The following ABCC4 variants were observed in gnomAD, a reference collection of about 807,000 sequenced individuals.
ABCC4 encodes ATP-binding cassette sub-family C member 4.
Under a neutral mutation model 168.5 loss-of-function variants are expected in ABCC4, and 102 were observed. That is an observed-to-expected ratio of 0.61 (90% CI 0.52 to 0.71). The LOEUF (loss-of-function observed/expected upper bound fraction) is 0.71. ABCC4 is among the 30% of genes least tolerant of loss of function. The pLI is 0.00. For missense variants in ABCC4, 1,402 were observed against 1,605.8 expected (o/e 0.87, Z 2.17); for synonymous variants, 617 against 590.7 (o/e 1.04, Z -0.65).
chr13:95,126,919 G>T (rs2035802319), intron 19 of ABCC4, among the ~76,000 whole-genome samples: 1 of 134,152 alleles, frequency 7.5e-6, no homozygotes, highest in Non-Finnish European at 1.6e-5. Context: ...AAAAAGCTAG[G>T]GGGGAAATTT....
intron 1 of ABCC4, among the ~76,000 whole-genome samples, chr13:95,248,102 G>A (rs1015516844): frequency 1.3e-5 from 2 of 152,110 alleles, no homozygotes; most frequent in Non-Finnish European, 2.9e-5. Flanking sequence ...GAAAAAGATG[G>A]CCCATGAGAT....
intron 11 of ABCC4, among the ~76,000 whole-genome samples, chr13:95,180,191 A>G (rs2037843694): frequency 6.6e-6 from 1 of 152,120 alleles, no homozygotes; most frequent in African/African-American, 2.4e-5. Context: ...CATTATGAAA[A>G]TTCATTATTT....
At chr13:95,058,593 G>GAAAAAAA (rs377750538) in intron 26 of ABCC4, among the ~76,000 whole-genome samples, 1 of 80,412 alleles carries the variant, frequency 1.2e-5, no homozygotes, top group Non-Finnish European at 2.3e-5. Flanking sequence ...AAAAAAAAAA[G>GAAAAAAA]AAAAGAAAAA....
At chr13:95,088,407 T>C (rs2034325369) in intron 20 of ABCC4, among the ~76,000 whole-genome samples, 1 of 152,204 alleles carries the variant, frequency 6.6e-6, no homozygotes, top group Non-Finnish European at 1.5e-5. Flanking sequence ...GACTTAATGA[T>C]GACCTAAAGG....
At chr13:95,078,471 C>A (rs2033983913) in intron 21 of ABCC4, among the ~76,000 whole-genome samples, 1 of 152,028 alleles carries the variant, frequency 6.6e-6, no homozygotes, top group Admixed American at 6.6e-5. Context: ...CACAGAGTAA[C>A]CTTTTACTCG....
At chr13:95,300,265 C>A (rs1304069895) in intron 1 of ABCC4, among the ~76,000 whole-genome samples, 1 of 152,178 alleles carries the variant, frequency 6.6e-6, no homozygotes, top group African/African-American at 2.4e-5. Flanking sequence ...GGTAGAACTC[C>A]TGGTAGGAAC....
At chr13:95,181,018 TAG>T (rs1195765463) in intron 11 of ABCC4, among the ~76,000 whole-genome samples, 1 of 152,240 alleles carries the variant, frequency 6.6e-6, no homozygotes, top group Non-Finnish European at 1.5e-5. Flanking sequence ...CATGATTTTC[TAG>T]TTTGGCTAAA....
At chr13:95,158,285 T>C (rs773134401) in intron 19 of ABCC4, among the ~76,000 whole-genome samples, 16 of 151,860 alleles carry the variant, frequency 1.1e-4, no homozygotes, top group Non-Finnish European at 2.2e-4. Flanking sequence ...GGCAGAAGCA[T>C]GATGAGGGGG....
chr13:95,161,346 G>T lies in ABCC4; in HGVS notation c.2309-11C>A. ...TAGCTACAGTTAAACCTGAAATAAA[G>T]AAATATCACTTAGAGAACACAGCAT... On this transcript the variant is annotated splice_polypyrimidine_tract_variant and intron_variant, in intron 18 of 30. Transcript: ENST00000645237. The T allele has an allele frequency of 6.4e-7, 1 of 1,564,076 alleles. No homozygotes were observed. Among genetic ancestry groups the T allele is most frequent in the Non-Finnish European group, 8.6e-7 (1 of 1,160,076 alleles).
chr13:95,061,459 C>A (rs2033288916), intron 26 of ABCC4, among the ~76,000 whole-genome samples: 1 of 152,152 alleles, frequency 6.6e-6, no homozygotes, highest in South Asian at 2.1e-4. Flanking sequence ...TCCTTCCCTT[C>A]CGGTGGCACG....
intron 26 of ABCC4, among the ~76,000 whole-genome samples, chr13:95,059,722 A>G (rs2033214322): frequency 6.6e-6 from 1 of 152,246 alleles, no homozygotes; most frequent in South Asian, 2.1e-4. Context: ...GATCACAAAA[A>G]TAGAAACAGA....
intron 3 of ABCC4, among the ~76,000 whole-genome samples, chr13:95,237,506 G>A (rs1362095173): frequency 6.6e-6 from 1 of 152,188 alleles, no homozygotes; most frequent in South Asian, 2.1e-4. Flanking sequence ...TCCTTCACAA[G>A]AATTCTCCTC....
At chr13:95,152,934 A>C (rs1027962079) in intron 19 of ABCC4, among the ~76,000 whole-genome samples, 3 of 152,190 alleles carry the variant, frequency 2.0e-5, no homozygotes, top group Non-Finnish European at 4.4e-5. Context: ...ACAGTAAAAC[A>C]GAACAGCGTT....
At chr13:95,246,384 G>A (rs1446458222) in intron 3 of ABCC4, among the ~76,000 whole-genome samples, 1 of 152,184 alleles carries the variant, frequency 6.6e-6, no homozygotes, top group South Asian at 2.1e-4. Flanking sequence ...TAGCTCTTGG[G>A]TGCTTCAGCC....
At chr13:95,141,455 C>T (rs1320600162) in intron 19 of ABCC4, among the ~76,000 whole-genome samples, 1 of 151,926 alleles carries the variant, frequency 6.6e-6, no homozygotes, top group African/African-American at 2.4e-5. Context: ...TTTAAGAATC[C>T]TCTGAGGTGC....
At chr13:95,191,312 C>T (rs1190646311) in intron 9 of ABCC4, among the ~76,000 whole-genome samples, 1 of 152,098 alleles carries the variant, frequency 6.6e-6, no homozygotes, top group Non-Finnish European at 1.5e-5. Context: ...TGTATGAAAA[C>T]TGACCCCTTA....
chr13:95,170,504 G>A (rs780894341), intron 14 of ABCC4, 28 bp downstream of exon 14: 1 of 1,489,704 alleles, frequency 6.7e-7, no homozygotes, highest in South Asian at 1.2e-5. Context: ...GTACTTGCAA[G>A]TTCGGGAGAC....
intron 1 of ABCC4, among the ~76,000 whole-genome samples, chr13:95,252,316 T>C (rs2040285820): frequency 1.3e-5 from 2 of 152,230 alleles, no homozygotes. Flanking sequence ...TTGTAATTAT[T>C]CTATTTTATT....
chr13:95,120,490 C>T (rs1751062), intron 19 of ABCC4, among the ~76,000 whole-genome samples: 55,903 of 147,422 alleles, frequency 0.38, 10,877 homozygotes, highest in Middle Eastern at 0.54. Flanking sequence ...TGCTTGAGCT[C>T]GGGAGGCGGA....
Sources: allele counts gnomAD v4.1 joint callset (sites outside exome capture counted in the v4.1 genomes callset), GRCh38; gene constraint gnomAD v4.1.1; transcripts MANE v1.5; gene names NCBI Gene and HGNC (gene_info 2026-07-23, HGNC 2026-07-21).